The following FBXL17 variants were observed in gnomAD, a reference collection of about 807,000 sequenced individuals.
The protein encoded by FBXL17 is F-box and leucine rich repeat protein 17.
A neutral mutation model predicts 66.2 loss-of-function variants in FBXL17; 22 were observed. The ratio of observed to expected loss-of-function variants is 0.33; its 90% CI spans 0.24 to 0.47. The LOEUF is 0.47. FBXL17 is among the 20% of genes least tolerant of loss of function. FBXL17 has a pLI of 1.00. For synonymous variants in FBXL17, 474 were observed against 400.5 expected, an observed-to-expected ratio of 1.18 and a Z score of -2.19; for missense variants, 878 against 948.2, an observed-to-expected ratio of 0.93 and a Z score of 0.97.
chr5:108,325,474 A>G (rs570966161), intron 4 of FBXL17, among the ~76,000 whole-genome samples: 1 of 152,294 alleles, frequency 6.6e-6, no homozygotes, highest in South Asian at 2.1e-4. Flanking sequence ...GGAAAACTTG[A>G]AAAATAAGTG....
In FBXL17 at chr5:107,910,679, A is replaced by G. The variant is rs534538990; in HGVS notation, c.1823-29500T>C. Among the ~76,000 whole-genome samples, 3 of 152,294 alleles carry G rather than the reference A, an allele frequency of 2.0e-5. No homozygotes were observed. In the South Asian group the frequency reaches 6.2e-4, roughly 32 times the overall value. On this transcript the variant is annotated intron_variant, in intron 7 of 8. Coordinates refer to ENST00000542267, the MANE Select transcript of FBXL17 (RefSeq NM_001163315.3). ...TATAAGAAACTCAAGCTGATATACC[A>G]TTAAAAATATTTTTTAAAAATTTAG...
At chr5:108,165,692 A>G (rs1043528981) in intron 6 of FBXL17, among the ~76,000 whole-genome samples, 4 of 152,184 alleles carry the variant, frequency 2.6e-5, no homozygotes, top group African/African-American at 9.7e-5. Flanking sequence ...ATAGCAAAAT[A>G]TAGGTGTTAG....
In FBXL17 at chr5:108,382,083, G is replaced by A. The variant is rs1750024199; in HGVS notation, c.-392C>T. 4 of 530,754 alleles carry A rather than the reference G, an allele frequency of 7.5e-6. No homozygotes were observed. Among genetic ancestry groups the A allele is most frequent in the Non-Finnish European group, 9.8e-6 (4 of 409,804 alleles). 32.9% of individuals were successfully genotyped at this position (530,754 alleles called of 1,614,324 possible). ...TTAACTGCGGATCCGCCGCCGGCGC[G>A]CGCACCCGCGACTCTGCTCGGAGCC... On this transcript the variant is annotated 5_prime_UTR_variant, in exon 1 of 9. Coordinates refer to ENST00000542267, the MANE Select transcript of FBXL17 (RefSeq NM_001163315.3).
At chr5:108,327,567 G>T (rs1759916929) in intron 4 of FBXL17, among the ~76,000 whole-genome samples, 2 of 152,164 alleles carry the variant, frequency 1.3e-5, no homozygotes, top group African/African-American at 4.8e-5. Context: ...ACCCACTGTG[G>T]ATATGTTACT....
At chr5:107,888,536 A>T (rs1749048545) in intron 7 of FBXL17, among the ~76,000 whole-genome samples, 1 of 152,156 alleles carries the variant, frequency 6.6e-6, no homozygotes, top group South Asian at 2.1e-4. Flanking sequence ...TATTCTCCCA[A>T]CAAGGATAAT....
At chr5:107,913,808 G>A (rs1750036047) in intron 7 of FBXL17, among the ~76,000 whole-genome samples, 1 of 152,066 alleles carries the variant, frequency 6.6e-6, no homozygotes, top group Non-Finnish European at 1.5e-5. Flanking sequence ...ATCAGCTGTG[G>A]GTGAAAAGTC....
intron 6 of FBXL17, among the ~76,000 whole-genome samples, chr5:108,131,015 T>C (rs891258443): frequency 6.6e-6 from 1 of 152,116 alleles, no homozygotes; most frequent in Non-Finnish European, 1.5e-5. Flanking sequence ...TCAAGAAACA[T>C]AGTTTTCATA....
chr5:108,142,886 T>A (rs2149987938), intron 6 of FBXL17, among the ~76,000 whole-genome samples: 1 of 152,026 alleles, frequency 6.6e-6, no homozygotes, highest in Non-Finnish European at 1.5e-5. Context: ...CTAATGTAGA[T>A]GACGGGTTGA....
chr5:108,271,243 C>T (rs535314989), intron 4 of FBXL17, among the ~76,000 whole-genome samples: 1 of 152,256 alleles, frequency 6.6e-6, no homozygotes, highest in East Asian at 1.9e-4. Context: ...CTCTTCCAGT[C>T]TATTAAAGAA....
At chr5:107,865,761 G>C (rs1403221573) in intron 8 of FBXL17, among the ~76,000 whole-genome samples, 1 of 152,150 alleles carries the variant, frequency 6.6e-6, no homozygotes, top group Non-Finnish European at 1.5e-5. Flanking sequence ...AAATTCATGG[G>C]CTCCTACTTA....
At chr5:108,141,659 C>G (rs559243367) in intron 6 of FBXL17, among the ~76,000 whole-genome samples, 4 of 152,208 alleles carry the variant, frequency 2.6e-5, no homozygotes, top group African/African-American at 9.6e-5. Context: ...TGCGGAGCCT[C>G]TGGAGAAATT....
At chr5:108,002,003 T>A (rs959026195) in intron 7 of FBXL17, among the ~76,000 whole-genome samples, 2 of 152,066 alleles carry the variant, frequency 1.3e-5, no homozygotes, top group Non-Finnish European at 2.9e-5. Flanking sequence ...GACATAAATT[T>A]CAAATTGCAA....
chr5:108,041,641 C>T (rs1747051552), intron 6 of FBXL17, among the ~76,000 whole-genome samples: 1 of 151,964 alleles, frequency 6.6e-6, no homozygotes, highest in Admixed American at 6.6e-5. Flanking sequence ...TGATCTCGAA[C>T]TCCTTAGCTC....
chr5:108,047,293 G>T (rs1319174194), intron 6 of FBXL17, among the ~76,000 whole-genome samples: 2 of 152,230 alleles, frequency 1.3e-5, no homozygotes, highest in African/African-American at 2.4e-5. Flanking sequence ...CTTTCCGCAT[G>T]GAACTGTGCA....
chr5:107,879,793 A>G (rs1748726377), intron 8 of FBXL17: 1 of 985,422 alleles, frequency 1.0e-6, no homozygotes, highest in Non-Finnish European at 1.2e-6. Context: ...AGATGGCGGC[A>G]CTTTCTGAGC....
At chr5:108,150,350 C>A (rs1156991887) in intron 6 of FBXL17, among the ~76,000 whole-genome samples, 1 of 152,170 alleles carries the variant, frequency 6.6e-6, no homozygotes, top group Non-Finnish European at 1.5e-5. Context: ...ACCACAGGCA[C>A]ATGCCACCAC....
chr5:108,066,388 C>T (rs1409904213), intron 6 of FBXL17, among the ~76,000 whole-genome samples: 1 of 151,928 alleles, frequency 6.6e-6, no homozygotes, highest in Non-Finnish European at 1.5e-5. Context: ...GGGATATGTA[C>T]TTGTTATGAA....
chr5:108,266,178 T>C (rs1403976453), intron 4 of FBXL17, among the ~76,000 whole-genome samples: 2 of 152,226 alleles, frequency 1.3e-5, no homozygotes, highest in East Asian at 3.9e-4. Context: ...AAGGAGTAAT[T>C]ATTAGCAGAA....
At chr5:108,022,616 C>T (rs1027426196) in intron 6 of FBXL17, among the ~76,000 whole-genome samples, 1 of 152,008 alleles carries the variant, frequency 6.6e-6, no homozygotes, top group Non-Finnish European at 1.5e-5. Context: ...GCAGTTTGTT[C>T]TCATGCTCTA....
Sources: allele counts gnomAD v4.1 joint callset (sites outside exome capture counted in the v4.1 genomes callset), GRCh38; gene constraint gnomAD v4.1.1; transcripts MANE v1.5; gene names NCBI Gene and HGNC (gene_info 2026-07-23, HGNC 2026-07-21).